NDST4: variants seen among roughly 807,000 people sequenced by gnomAD.
NDST4 encodes the protein N-deacetylase and N-sulfotransferase 4.
NDST4 carries 63 observed loss-of-function variants against 100.8 expected under a neutral mutation model. The observed-to-expected ratio is 0.62, with a 90% CI of 0.51 to 0.77. The LOEUF (loss-of-function observed/expected upper bound fraction) is 0.77. Ranked by LOEUF, NDST4 falls within the 30% of genes least tolerant of loss-of-function variation. NDST4 has a pLI of 0.00. For missense variants in NDST4, 943 were observed against 1,018.4 expected (o/e 0.93, Z 1.01); for synonymous variants, 377 against 361.8 (o/e 1.04, Z -0.48).
intron 2 of NDST4, among the ~76,000 whole-genome samples, chr4:115,039,831 A>G (rs976958914): frequency 6.6e-6 from 1 of 152,130 alleles, no homozygotes; most frequent in African/African-American, 2.4e-5. Flanking sequence ...TCTTACATTT[A>G]TATATCCTTT....
intron 1 of NDST4, among the ~76,000 whole-genome samples, chr4:115,092,312 C>T (rs1466351627): frequency 2.0e-5 from 3 of 152,128 alleles, no homozygotes; most frequent in Admixed American, 6.6e-5. Context: ...AGAATAGCTG[C>T]TTTCAGTAGG....
At chr4:115,108,487 T>G (rs1729877130) in intron 1 of NDST4, among the ~76,000 whole-genome samples, 1 of 151,968 alleles carries the variant, frequency 6.6e-6, no homozygotes, top group African/African-American at 2.4e-5. Context: ...TGCTTATGAA[T>G]GTTAATATCC....
chr4:115,088,296 T>A (rs1578512709), intron 1 of NDST4, among the ~76,000 whole-genome samples: 1 of 149,726 alleles, frequency 6.7e-6, no homozygotes, highest in East Asian at 2.0e-4. Context: ...ATTCCATAGA[T>A]AATGTATATC....
intron 6 of NDST4, among the ~76,000 whole-genome samples, chr4:114,913,202 A>C (rs544160688): frequency 6.6e-6 from 1 of 152,152 alleles, no homozygotes; most frequent in South Asian, 2.1e-4. Flanking sequence ...ACTGTATGTT[A>C]AATATTGACA....
At chr4:114,870,057 A>T (rs1724114470) in intron 7 of NDST4, among the ~76,000 whole-genome samples, 1 of 152,076 alleles carries the variant, frequency 6.6e-6, no homozygotes, top group South Asian at 2.1e-4. Context: ...CAGCCTATTG[A>T]TTTTGTGGGT....
chr4:114,900,246 G>A (rs556087893), intron 6 of NDST4, among the ~76,000 whole-genome samples: 22 of 151,706 alleles, frequency 1.5e-4, no homozygotes, highest in South Asian at 1.2e-3. Context: ...AACTATAGGC[G>A]TATTACTCTT....
At chr4:114,916,859 T>C (rs1725184956) in intron 6 of NDST4, among the ~76,000 whole-genome samples, 1 of 151,720 alleles carries the variant, frequency 6.6e-6, no homozygotes, top group Non-Finnish European at 1.5e-5. Context: ...TATTTTTTTT[T>C]CTCCCTCAGA....
intron 6 of NDST4, among the ~76,000 whole-genome samples, chr4:114,898,478 G>A (rs942108971): frequency 6.6e-6 from 1 of 151,950 alleles, no homozygotes; most frequent in African/African-American, 2.4e-5. Context: ...CCTTGAAGTC[G>A]GGTAGTGTCC....
In NDST4 at chr4:115,078,446, A is replaced by G. The variant is rs534237554; in HGVS notation, c.-246-1164T>C. Reference sequence around the variant, plus strand: ...AAGGAGGTCTCAGATGGAAATGAGGAACTTATTGGGGACTGGAGAAAAGGT... The same window carrying G: ...AAGGAGGTCTCAGATGGAAATGAGGGACTTATTGGGGACTGGAGAAAAGGT... On this transcript the variant is annotated intron_variant, in intron 1 of 13. Transcript: ENST00000264363. Among the ~76,000 whole-genome samples the G allele has an allele frequency of 2.0e-5, 3 of 152,278 alleles. No individual in the cohort carries two copies. In the East Asian group the frequency reaches 5.8e-4, roughly 29 times the overall value.
intron 2 of NDST4, among the ~76,000 whole-genome samples, chr4:115,072,549 T>C (rs566485961): frequency 5.9e-5 from 9 of 151,890 alleles, no homozygotes; most frequent in Admixed American, 3.9e-4. Context: ...TTACAGGCAA[T>C]AGATTTTCAG....
chr4:114,936,985 C>T (rs1486881923), intron 5 of NDST4, among the ~76,000 whole-genome samples: 1 of 152,110 alleles, frequency 6.6e-6, no homozygotes, highest in Non-Finnish European at 1.5e-5. Flanking sequence ...GTAAAACCAC[C>T]CAACCAAATA....
chr4:114,870,511 A>G (rs1724124592), intron 7 of NDST4, among the ~76,000 whole-genome samples: 1 of 152,140 alleles, frequency 6.6e-6, no homozygotes, highest in African/African-American at 2.4e-5. Flanking sequence ...CCAACAATAA[A>G]ACAACATCTT....
At chr4:115,002,569 T>C (rs142756291) in intron 2 of NDST4, among the ~76,000 whole-genome samples, 51,782 of 151,626 alleles carry the variant, frequency 0.34, 8,885 homozygotes, top group South Asian at 0.49. Context: ...AAGTCTTTGC[T>C]CACGCCTATG....
chr4:114,929,041 T>TGTCC (rs1227310987), intron 6 of NDST4, among the ~76,000 whole-genome samples: 3,783 of 121,138 alleles, frequency 0.031, 149 homozygotes, highest in East Asian at 0.068. Context: ...TCTGTCTGTC[T>TGTCC]GTCCGTCCGT....
At chr4:115,025,806 A>G (rs13138975) in intron 2 of NDST4, among the ~76,000 whole-genome samples, 4,494 of 152,276 alleles carry the variant, frequency 0.03, 97 homozygotes, top group Non-Finnish European at 0.048. Context: ...ATACAAAGAT[A>G]TATTTTTCCA....
intron 2 of NDST4, among the ~76,000 whole-genome samples, chr4:115,069,062 G>A (rs1256234803): frequency 6.6e-6 from 1 of 151,948 alleles, no homozygotes; most frequent in Non-Finnish European, 1.5e-5. Context: ...GATTATGCAG[G>A]GACTCAAGTT....
chr4:115,093,990 GA>G (rs1375229878), intron 1 of NDST4, among the ~76,000 whole-genome samples: 1 of 151,840 alleles, frequency 6.6e-6, no homozygotes. Context: ...GCAAGAAGCT[GA>G]TTTTTTTAAA....
At chr4:114,964,055 A>T (rs946222014) in intron 4 of NDST4, among the ~76,000 whole-genome samples, 1 of 152,162 alleles carries the variant, frequency 6.6e-6, no homozygotes, top group Admixed American at 6.5e-5. Context: ...ATATTTATAT[A>T]ATAAAAGACT....
intron 2 of NDST4, among the ~76,000 whole-genome samples, chr4:115,023,987 CT>C (rs1318222328): frequency 6.6e-6 from 1 of 152,136 alleles, no homozygotes; most frequent in Non-Finnish European, 1.5e-5. Flanking sequence ...CCAGGTGTGG[CT>C]TGGCCTGCCA....
Sources: allele counts gnomAD v4.1 joint callset (sites outside exome capture counted in the v4.1 genomes callset), GRCh38; gene constraint gnomAD v4.1.1; transcripts MANE v1.5; gene names NCBI Gene and HGNC (gene_info 2026-07-23, HGNC 2026-07-21).